BTBD2: variants seen among roughly 807,000 people sequenced by gnomAD.
BTBD2 encodes the protein BTB domain containing 2.
In BTBD2, 15 loss-of-function variants were observed where a neutral mutation model predicts 44.0. The ratio of observed to expected loss-of-function variants is 0.34; its 90% confidence interval spans 0.23 to 0.53. The LOEUF (loss-of-function observed/expected upper bound fraction) is 0.53, where lower values mean the gene tolerates loss of function less well. BTBD2 is among the 20% of genes least tolerant of loss of function. The probability of loss-of-function intolerance (pLI) is 0.95; values close to 1 mark genes in which losing one functional copy is unlikely to be tolerated. For missense variants in BTBD2, 657 were observed against 746.4 expected (o/e 0.88, Z 1.39); for synonymous variants, 443 against 335.9 (o/e 1.32, Z -3.49).
chr19:1,985,500 G>A lies in BTBD2; in HGVS notation c.*988C>T, dbSNP rs983534626. 2.0e-5 allele frequency: 3 copies of A among 152,534 alleles called. No individual in the cohort carries two copies. Among genetic ancestry groups the A allele is most frequent in the Non-Finnish European group, 1.5e-5 (1 of 68,104 alleles). The allele number at this position is 152,534 out of a possible 1,614,324, so 9.4% of individuals were successfully genotyped here. On this transcript the variant is annotated 3_prime_UTR_variant, in exon 9 of 9. Transcript: ENST00000255608. Reference sequence around the variant, plus strand: ...AAAATCATCTGGGGGCATGGTCTGAGGAGGACACCCCTCCCATGGCTTTGG... The same window carrying A: ...AAAATCATCTGGGGGCATGGTCTGAAGAGGACACCCCTCCCATGGCTTTGG...
chr19:2,012,876 CAGAA>C (rs2016485004), intron 1 of BTBD2, among the ~76,000 whole-genome samples: 1 of 152,144 alleles, frequency 6.6e-6, no homozygotes, highest in Non-Finnish European at 1.5e-5. Context: ...CCCCCTCAAA[CAGAA>C]AGCCTGGGAT....
intron 5 of BTBD2, chr19:1,989,607 G>A: frequency 3.4e-6 from 1 of 293,716 alleles, no homozygotes; most frequent in Non-Finnish European, 6.6e-6. Flanking sequence ...CCCAGGCCCT[G>A]CAGCAGGGGA....
At chr19:1,994,868 G>C (rs968733103) in intron 2 of BTBD2, among the ~76,000 whole-genome samples, 1 of 152,154 alleles carries the variant, frequency 6.6e-6, no homozygotes, top group Non-Finnish European at 1.5e-5. Flanking sequence ...TTTTCCCTAA[G>C]TCCAATGTCT....
chr19:1,992,189 C>T (rs1325120814), intron 3 of BTBD2: 1 of 152,032 alleles, frequency 6.6e-6, no homozygotes, highest in Non-Finnish European at 1.5e-5. Context: ...ACCTCCCGGG[C>T]TCAGGCAATC....
At chr19:1,995,279 C>CTTTTT (rs71174402) in intron 2 of BTBD2, among the ~76,000 whole-genome samples, 2 of 122,680 alleles carry the variant, frequency 1.6e-5, no homozygotes, top group Non-Finnish European at 3.5e-5. Context: ...ACTTTGGATT[C>CTTTTT]TTTTTTTTTT....
intron 1 of BTBD2, among the ~76,000 whole-genome samples, chr19:1,999,832 G>T (rs532891835): frequency 7.3e-5 from 11 of 150,476 alleles, no homozygotes; most frequent in East Asian, 4.0e-4. Flanking sequence ...CGTGGTGGTG[G>T]GTGCCTGTAA....
intron 1 of BTBD2, among the ~76,000 whole-genome samples, chr19:2,015,088 C>G (rs1599364460): frequency 2.8e-5 from 4 of 143,450 alleles, no homozygotes; most frequent in African/African-American, 1.0e-4. Context: ...GGTGCAGGGC[C>G]TCAGGTGCAG....
intron 1 of BTBD2, among the ~76,000 whole-genome samples, chr19:2,009,388 C>T (rs971238997): frequency 1.3e-5 from 2 of 151,594 alleles, no homozygotes; most frequent in East Asian, 3.9e-4. Flanking sequence ...TTAGTAGAGA[C>T]GGGGTTTCAC....
chr19:1,997,931 C>A (rs1599353849), intron 1 of BTBD2, among the ~76,000 whole-genome samples: 1 of 152,332 alleles, frequency 6.6e-6, no homozygotes. Context: ...AACTAATTTC[C>A]ATGTACATTC....
At chr19:1,990,320 C>T in intron 4 of BTBD2, 119 bp from the exon 5 acceptor site, 2 of 1,092,530 alleles carry the variant, frequency 1.8e-6, no homozygotes, top group South Asian at 3.0e-5. Context: ...TGGCCCGTGG[C>T]CCAAATCTGG....
chr19:1,990,798 G>A lies in BTBD2; in HGVS notation c.709C>T (p.Leu237=), dbSNP rs1379728859. 5.7e-6 allele frequency: 9 copies of A among 1,585,932 alleles called. No individual in the cohort carries two copies. The South Asian group carries it at 1.0e-4, about 18-fold the overall frequency. Reference sequence around the variant, plus strand: ...ATGTTCTCCAGGCACAGGCTGGCCAGCTGCGGTTCATCGAAGAGTCGCGCC... The same window carrying A: ...ATGTTCTCCAGGCACAGGCTGGCCAACTGCGGTTCATCGAAGAGTCGCGCC... ...TQARLFDEPQ[L]ASLCLENIDK... Residue 237 remains leucine, a synonymous_variant, in exon 4 of 9, where the codon CTG becomes TTG. Transcript: ENST00000255608.
At chr19:2,007,912 C>G (rs57274573) in intron 1 of BTBD2, among the ~76,000 whole-genome samples, 1 of 151,918 alleles carries the variant, frequency 6.6e-6, no homozygotes, top group Admixed American at 6.6e-5. Context: ...GTAGCCAGGA[C>G]TGTATTTCAG....
At chr19:2,015,241 C>T (rs1440014844) in intron 1 of BTBD2, 56 bp downstream of exon 1, 3 of 1,482,468 alleles carry the variant, frequency 2.0e-6, no homozygotes, top group Non-Finnish European at 1.8e-6. Context: ...AGGTGCAGGG[C>T]CCGGGCAGCA....
chr19:1,999,387 C>A (rs1278918742), intron 1 of BTBD2, among the ~76,000 whole-genome samples: 2 of 152,228 alleles, frequency 1.3e-5, no homozygotes, highest in African/African-American at 4.8e-5. Flanking sequence ...GAGAAACAGG[C>A]CGGGCACGGT....
At position 2,015,560 on chromosome 19, in the gene BTBD2, G is replaced by A; in HGVS notation, c.144C>T (p.Ala48=). The A allele has an allele frequency of 2.1e-6, 2 of 947,434 alleles. No individual in the cohort carries two copies. Among genetic ancestry groups the A allele is most frequent in the Non-Finnish European group, 2.5e-6 (2 of 803,326 alleles). 58.7% of individuals were successfully genotyped at this position (947,434 alleles called of 1,614,324 possible). A position where few individuals can be genotyped will look rare whatever the true frequency, so the allele number is the denominator to read the frequency against. ...PGNAAAAAAA[A]AAAAAAPGPT... ...GCCCAGGGGCGGCGGCGGCGGCGGCGGCGGCGGCGGCGGCGGCGGCCGCGT... is the reference window on the plus strand; with the variant it reads ...GCCCAGGGGCGGCGGCGGCGGCGGCAGCGGCGGCGGCGGCGGCGGCCGCGT... The change falls in exon 1 of 9, where the codon GCC becomes GCT. Residue 48 remains alanine (A), a synonymous_variant. Transcript: ENST00000255608.
intron 1 of BTBD2, among the ~76,000 whole-genome samples, chr19:2,013,339 C>T (rs1433527636): frequency 6.6e-6 from 1 of 152,112 alleles, no homozygotes; most frequent in East Asian, 1.9e-4. Flanking sequence ...CGGTACCCCG[C>T]ACACTGGCAA....
chr19:1,987,377 C>CGGGGG, intron 6 of BTBD2, 123 bp downstream of exon 6: 1 of 1,370,482 alleles, frequency 7.3e-7, no homozygotes, highest in Non-Finnish European at 9.7e-7. Flanking sequence ...CCATGCCCGG[C>CGGGGG]GGCCCCCCCG....
Position 1,986,916 on chromosome 19 carries a change from C to A in BTBD2, c.1330G>T (p.Gly444Cys). 6.2e-7 allele frequency: 1 copy of A among 1,613,294 alleles called. No homozygotes were observed. Among genetic ancestry groups the A allele is most frequent in the Non-Finnish European group, 8.5e-7 (1 of 1,179,854 alleles). Residue 444 changes from glycine (G) to cysteine (C), a missense_variant, in exon 8 of 9, where the codon GGC becomes TGC. Physicochemically the swap from Gly to Cys is radical, Grantham distance 159 (BLOSUM62 -3). Transcript: ENST00000255608. ...GQNDTGFSCD[G>C]SASTFRVMFK... is the part of the protein sequence containing the mutation. ...ATGACGCGGAAGGTGCTGGCTGAGCCGTCGCAGCTGAAGCCCGTGTCGTTC... is the reference window on the plus strand; with the variant it reads ...ATGACGCGGAAGGTGCTGGCTGAGCAGTCGCAGCTGAAGCCCGTGTCGTTC...
rs1568213058 is a variant in BTBD2, at chr19:1,986,499, A to G, written c.1567T>C (p.Phe523Leu). The G allele has an allele frequency of 6.2e-7, 1 of 1,613,840 alleles. No individual in the cohort carries two copies. The highest frequency in any genetic ancestry group is 1.3e-5 in the African/African-American group (1 of 75,040). Reference sequence around the variant, plus strand: ...CGGTGTCGGGCAGCCTAGGTGTAGAAGATGACCTCGGGGATCTGGCCGTCC... The same window carrying G: ...CGGTGTCGGGCAGCCTAGGTGTAGAGGATGACCTCGGGGATCTGGCCGTCC... ...VEDGQIPEVI[F>L]YT The change falls in exon 9 of 9, where the codon TTC becomes CTC. Residue 523 changes from phenylalanine to leucine, a missense_variant. Phe to Leu is a conservative substitution (Grantham distance 22). Transcript: ENST00000255608.
Sources: allele counts gnomAD v4.1 joint callset (sites outside exome capture counted in the v4.1 genomes callset), GRCh38; gene constraint gnomAD v4.1.1; transcripts MANE v1.5; gene names NCBI Gene and HGNC (gene_info 2026-07-23, HGNC 2026-07-21).